IGFBP3: variants seen among roughly 807,000 people sequenced by gnomAD.
IGFBP3 encodes insulin like growth factor binding protein 3.
In IGFBP3, 9 loss-of-function variants were observed where a neutral mutation model predicts 28.6. The observed-to-expected ratio is 0.31, with a 90% CI of 0.19 to 0.55. The LOEUF (loss-of-function observed/expected upper bound fraction) is 0.55, where lower values mean the gene tolerates loss of function less well. IGFBP3 is among the 20% of genes least tolerant of loss of function. The probability of loss-of-function intolerance (pLI) is 0.93; values close to 1 mark genes in which losing one functional copy is unlikely to be tolerated. For missense variants in IGFBP3, 382 were observed against 428.9 expected (o/e 0.89, Z 0.97); for synonymous variants, 185 against 188.2 (o/e 0.98, Z 0.14).
At chr7:45,920,234 C>A (rs1199854875) in intron 1 of IGFBP3, 1 of 154,504 alleles carries the variant, frequency 6.5e-6, no homozygotes, top group African/African-American at 2.4e-5. Flanking sequence ...TTGGACATAC[C>A]GGGACTAGAC....
In IGFBP3 at chr7:45,914,932, T is replaced by C. The variant is rs1562580097; in HGVS notation, c.764A>G (p.Lys255Arg). Residue 255 changes from lysine (K) to arginine (R), a missense_variant, in exon 4 of 5, where the codon AAA becomes AGA. Coordinates refer to ENST00000613132, the MANE Select transcript of IGFBP3 (RefSeq NM_000598.5). Reference protein sequence around the residue: ...FYKKKQCRPSKGRKRGFCWCV... With the variant: ...FYKKKQCRPSRGRKRGFCWCV... ...CCAGCAGAAGCCCCGCTTCCTGCCT[T>C]TGGAAGGGCGACACTGTGGGAGAGA... 6.2e-7 allele frequency: 1 copy of C among 1,613,900 alleles called. No individual in the cohort carries two copies. The highest frequency in any genetic ancestry group is 1.7e-5 in the Admixed American group (1 of 59,998).
Position 45,914,815 on chromosome 7 carries a change from G to C in IGFBP3, c.*5C>G, listed in dbSNP as rs1784586792. On this transcript the variant is annotated 3_prime_UTR_variant, in exon 4 of 5. Transcript: ENST00000613132. ...CTCCTGAGTACTCACCCTTGCGGCAGGCGTCTACTTGCTCTGCATGCTGTA... is the reference window on the plus strand; with the variant it reads ...CTCCTGAGTACTCACCCTTGCGGCACGCGTCTACTTGCTCTGCATGCTGTA... The C allele has an allele frequency of 6.2e-7, 1 of 1,613,972 alleles. No homozygotes were observed. Among genetic ancestry groups the C allele is most frequent in the Non-Finnish European group, 8.5e-7 (1 of 1,179,896 alleles).
chr7:45,912,295 A>C lies in IGFBP3; in HGVS notation c.*1555T>G, dbSNP rs145733666. ...ATAATAAAATAATTATTATATAATA[A>C]AATAAAATAATTAGTGATACAAAGC... On this transcript the variant is annotated 3_prime_UTR_variant, in exon 5 of 5. Coordinates refer to ENST00000613132, the MANE Select transcript of IGFBP3 (RefSeq NM_000598.5). 9.8e-3 allele frequency: 1,482 copies of C among 151,412 alleles called. 18 individuals are homozygous for C. Among genetic ancestry groups the C allele is most frequent in the African/African-American group, 0.033 (1,385 of 41,424 alleles). The allele number at this position is 151,412 out of a possible 1,614,324, so 9.4% of individuals were successfully genotyped here. A position where few individuals can be genotyped will look rare whatever the true frequency, so the allele number is the denominator to read the frequency against.
At position 45,921,146 on chromosome 7, in the gene IGFBP3, C is replaced by T. The variant is rs1784685319; in HGVS notation, c.-6G>A. 2.7e-6 allele frequency: 4 copies of T among 1,502,998 alleles called. No homozygotes were observed. Among genetic ancestry groups the T allele is most frequent in the Non-Finnish European group, 3.5e-6 (4 of 1,131,206 alleles). The allele number at this position is 1,502,998 out of a possible 1,614,324, so 93.1% of individuals were successfully genotyped here. A position where few individuals can be genotyped will look rare whatever the true frequency, so the allele number is the denominator to read the frequency against. On this transcript the variant is annotated 5_prime_UTR_variant, in exon 1 of 5. Coordinates refer to ENST00000613132, the MANE Select transcript of IGFBP3 (RefSeq NM_000598.5). ...GTGGGTCGCGCCCGCTGCATGACGC[C>T]TGCAACCGGGGCACGCTGCTTGGCA... is the stretch of plus-strand genomic sequence containing the variant.
intron 1 of IGFBP3, chr7:45,920,271 C>CA (rs1183734090): frequency 6.2e-6 from 1 of 161,424 alleles, no homozygotes. Context: ...AAAGGCTGTG[C>CA]AAAGTCAGTA....
At chr7:45,915,108 G>T in intron 3 of IGFBP3, 163 bp from the exon 4 acceptor site, 2 of 716,752 alleles carry the variant, frequency 2.8e-6, no homozygotes, top group Non-Finnish European at 2.3e-6. Flanking sequence ...GCCTAGGCCC[G>T]CTGAGTGTGC....
intron 3 of IGFBP3, 31 bp from the exon 4 acceptor site, chr7:45,914,976 G>A: frequency 6.2e-7 from 1 of 1,612,044 alleles, no homozygotes; most frequent in African/African-American, 1.3e-5. Flanking sequence ...ACAGAGAAGT[G>A]AATGCTCCTG....
chr7:45,916,942 T>C (rs1312584238), intron 2 of IGFBP3: 1 of 563,804 alleles, frequency 1.8e-6, no homozygotes, highest in South Asian at 2.3e-5. Context: ...ACTATCTTTA[T>C]GAGAATATTT....
At chr7:45,918,648 A>T (rs985989466) in intron 1 of IGFBP3, among the ~76,000 whole-genome samples, 3 of 152,182 alleles carry the variant, frequency 2.0e-5, no homozygotes, top group African/African-American at 7.2e-5. Context: ...CCTAGCAGGG[A>T]GCTCAGGTGG....
In IGFBP3 at chr7:45,920,773, A is replaced by G; in HGVS notation, c.368T>C (p.Leu123Pro). 2 of 1,421,888 alleles carry G rather than the reference A, an allele frequency of 1.4e-6. No homozygotes were observed. The highest frequency in any genetic ancestry group is 3.0e-5 in the Admixed American group (1 of 33,016). 88.1% of individuals were successfully genotyped at this position (1,421,888 alleles called of 1,614,324 possible). The change falls in exon 1 of 5, where the codon CTG (leucine) becomes CCG (proline). Residue 123 changes from leucine to proline, a missense_variant. Transcript: ENST00000613132. Reference sequence around the variant, plus strand: ...CGGCGCTGGCAGCAGGTAGGCGCGCAGGCGGCTGACGGCACTAGCGTTGAC... The same window carrying G: ...CGGCGCTGGCAGCAGGTAGGCGCGCGGGCGGCTGACGGCACTAGCGTTGAC... Reference protein sequence around the residue: ...LCVNASAVSRLRAYLLPAPPA... With the variant: ...LCVNASAVSRPRAYLLPAPPA...
intron 1 of IGFBP3, among the ~76,000 whole-genome samples, chr7:45,919,171 T>G (rs535446039): frequency 6.6e-6 from 1 of 152,238 alleles, no homozygotes; most frequent in Non-Finnish European, 1.5e-5. Context: ...GACTTTTGAC[T>G]GTCGAAAATT....
intron 3 of IGFBP3, among the ~76,000 whole-genome samples, 200 bp downstream of exon 3, chr7:45,916,348 T>C (rs1437796976): frequency 6.6e-6 from 1 of 152,240 alleles, no homozygotes; most frequent in Non-Finnish European, 1.5e-5. Flanking sequence ...TTGAGGATTA[T>C]GGCCAATATA....
rs368885354 is a variant in IGFBP3, at chr7:45,914,822, A to G, written c.874T>C (p.Ter292GlnextTer40). The change falls in exon 4 of 5, where the codon TAG becomes CAG. Residue 292 changes from the stop codon to glutamine (Q), a stop_lost. Transcript: ENST00000613132. ...GTACTCACCCTTGCGGCAGGCGTCT[A>G]CTTGCTCTGCATGCTGTAGCAGTGC... ...DVHCYSMQSK[*>Q] is the part of the protein sequence containing the mutation. 1 of 1,613,798 alleles carries G rather than the reference A, an allele frequency of 6.2e-7. No individual in the cohort carries two copies. The highest frequency in any genetic ancestry group is 1.3e-5 in the African/African-American group (1 of 74,924).
Position 45,917,339 on chromosome 7 carries a change from G to A in IGFBP3, c.504C>T (p.Leu168=), listed in dbSNP as rs954285856. ...TCTTGATGATGATTATCTTTGAATGGAGGGGGTGGAACTTGGGATCAGACA... is the reference window on the plus strand; with the variant it reads ...TCTTGATGATGATTATCTTTGAATGAAGGGGGTGGAACTTGGGATCAGACA... The part of the protein sequence containing the change: ...HRVSDPKFHP[L]HSKIIIIKKG... The change falls in exon 2 of 5, where the codon CTC becomes CTT. Residue 168 remains leucine, a synonymous_variant. Coordinates refer to ENST00000613132, the MANE Select transcript of IGFBP3 (RefSeq NM_000598.5). 8 of 1,613,954 alleles carry A rather than the reference G, an allele frequency of 5.0e-6. No individual in the cohort carries two copies. The African/African-American group carries it at 9.3e-5, about 19-fold the overall frequency.
At chr7:45,914,511 G>T (rs1784582795) in intron 4 of IGFBP3, 2 of 214,302 alleles carry the variant, frequency 9.3e-6, no homozygotes, top group Non-Finnish European at 1.8e-5. Context: ...TCTTCACTTT[G>T]TGTGTGGATG....
In IGFBP3 at chr7:45,912,526, C is replaced by T. The variant is rs895991471; in HGVS notation, c.*1324G>A. On this transcript the variant is annotated 3_prime_UTR_variant, in exon 5 of 5. Coordinates refer to ENST00000613132, the MANE Select transcript of IGFBP3 (RefSeq NM_000598.5). ...AGCTCTATGCAGCGTGTGTCCACACCGAGGTCTGCAGCAGGGCAGAGTCTC... is the reference window on the plus strand; with the variant it reads ...AGCTCTATGCAGCGTGTGTCCACACTGAGGTCTGCAGCAGGGCAGAGTCTC... 9 of 152,338 alleles carry T rather than the reference C, an allele frequency of 5.9e-5. No individual in the cohort carries two copies. The highest frequency in any genetic ancestry group is 1.9e-4 in the African/African-American group (8 of 41,428). 9.4% of individuals were successfully genotyped at this position (152,338 alleles called of 1,614,324 possible).
chr7:45,917,761 C>T (rs968459327), intron 1 of IGFBP3, among the ~76,000 whole-genome samples: 1 of 152,202 alleles, frequency 6.6e-6, no homozygotes, highest in African/African-American at 2.4e-5. Flanking sequence ...CTTCCACCGG[C>T]AGGGGGCAGA....
intron 1 of IGFBP3, 123 bp from the exon 2 acceptor site, chr7:45,917,562 G>GTT: frequency 2.2e-5 from 13 of 601,252 alleles, no homozygotes; most frequent in Admixed American, 7.2e-5. Context: ...ATCCAAGTGA[G>GTT]TTTTTTTTTT....
intron 4 of IGFBP3, 100 bp from the exon 5 acceptor site, chr7:45,913,934 G>A (rs1784575532): frequency 6.6e-6 from 1 of 152,176 alleles, no homozygotes; most frequent in African/African-American, 2.4e-5. Flanking sequence ...GCAGGCTAAT[G>A]GCACTAGGCC....
Sources: gnomAD v4.1 joint callset for allele counts (sites outside exome capture counted in the v4.1 genomes callset) on GRCh38, gnomAD v4.1.1 for gene constraint, MANE v1.5 for transcripts, NCBI Gene and HGNC (gene_info 2026-07-23, HGNC 2026-07-21) for gene names.